Variants in PFKFB3 observed in about 807,000 individuals in gnomAD.
The protein encoded by PFKFB3 is 6-phosphofructo-2-kinase/fructose-2,6-bisphosphatase 3.
PFKFB3 carries 33 observed loss-of-function variants against 68.0 expected under a neutral mutation model. That is an observed-to-expected ratio of 0.49 (90% CI 0.37 to 0.65). The LOEUF is 0.65. PFKFB3 is among the 30% of genes least tolerant of loss of function. The pLI, the probability that PFKFB3 is intolerant of heterozygous loss-of-function variation, is 0.00. For synonymous variants in PFKFB3, 315 were observed against 288.2 expected (o/e 1.09, Z -0.94); for missense variants, 586 against 712.2 (o/e 0.82, Z 2.02).
intron 1 of PFKFB3, among the ~76,000 whole-genome samples, chr10:6,161,481 A>G (rs1841968062): frequency 6.6e-6 from 1 of 152,108 alleles, no homozygotes; most frequent in African/African-American, 2.4e-5. Context: ...TCTTTATAAA[A>G]AATTTAAAAA....
In PFKFB3 at chr10:6,217,159, G is replaced by C; in HGVS notation, c.466G>C (p.Asp156His). 6.2e-7 allele frequency: 1 copy of C among 1,614,160 alleles called. No homozygotes were observed. Among genetic ancestry groups the C allele is most frequent in the Non-Finnish European group, 8.5e-7 (1 of 1,179,996 alleles). Residue 156 changes from aspartate to histidine, a missense_variant, in exon 6 of 15, where the codon GAC (aspartate) becomes CAC (histidine). Physicochemically the swap from Asp to His is moderately conservative, Grantham distance 81. Coordinates refer to ENST00000379775, the MANE Select transcript of PFKFB3 (RefSeq NM_004566.4). ...GGCGTTTTTCATCGAGTCGGTGTGCGACGACCCTACAGTTGTGGCCTCCAA... is the reference window on the plus strand; with the variant it reads ...GGCGTTTTTCATCGAGTCGGTGTGCCACGACCCTACAGTTGTGGCCTCCAA... ...FKAFFIESVC[D>H]DPTVVASNIM...
chr10:6,173,506 AAC>A (rs1842371201), intron 1 of PFKFB3, among the ~76,000 whole-genome samples: 1 of 152,180 alleles, frequency 6.6e-6, no homozygotes, highest in East Asian at 1.9e-4. Context: ...TGTGGCGGGA[AAC>A]ACACACCCCT....
chr10:6,147,130 C>G (rs1841415706), intron 1 of PFKFB3, among the ~76,000 whole-genome samples: 1 of 152,170 alleles, frequency 6.6e-6, no homozygotes, highest in South Asian at 2.1e-4. Flanking sequence ...TGGTGCTGAG[C>G]CGTGGTCTGA....
chr10:6,206,897 G>C (rs1289224140), intron 1 of PFKFB3, among the ~76,000 whole-genome samples: 7 of 135,084 alleles, frequency 5.2e-5, no homozygotes, highest in East Asian at 2.5e-4. Flanking sequence ...CAGGCAGAGG[G>C]GCTCCTCACA....
chr10:6,154,530 G>A lies in PFKFB3; in HGVS notation c.16+9517G>A, dbSNP rs1018897034. Among the ~76,000 whole-genome samples, 3 of 152,282 alleles carry A rather than the reference G, an allele frequency of 2.0e-5. No homozygotes were observed. The highest frequency in any genetic ancestry group is 1.3e-4 in the Admixed American group (2 of 15,302). ...TCCAAAGTGCTGGGATCATAGGCGC[G>A]AGCCACCGCGCCTGGTGGGCTGAAT... On this transcript the variant is annotated intron_variant, in intron 1 of 14. Transcript: ENST00000379789. The surrounding 1 kb of genome is among the most constrained non-coding windows in gnomAD (Gnocchi z 4.6).
intron 1 of PFKFB3, among the ~76,000 whole-genome samples, chr10:6,190,608 C>T (rs1842996374): frequency 6.6e-6 from 1 of 152,116 alleles, no homozygotes; most frequent in Non-Finnish European, 1.5e-5. Context: ...TTGAAACCAA[C>T]CTGGGCAACA....
chr10:6,198,187 A>C (rs982767365), upstream of PFKFB3, among the ~76,000 whole-genome samples: 1 of 151,364 alleles, frequency 6.6e-6, no homozygotes, highest in African/African-American at 2.4e-5. Context: ...CGGAGGTGGC[A>C]GTAAGCCGAG....
In PFKFB3 at chr10:6,197,000, T is replaced by TTATTATTATTA. The variant is rs763926675; in HGVS notation, c.17-16622_17-16621insATTATTATTAT. On this transcript the variant is annotated intron_variant, in intron 1 of 14. Transcript: ENST00000379789. Reference sequence around the variant, plus strand: ...ACTTATTATTATTATTATTATTATTTTTGAGACAGAGTCTTGCTCTGTCCC... The same window carrying TTATTATTATTA: ...ACTTATTATTATTATTATTATTATTTTATTATTATTATTGAGACAGAGTCTTGCTCTGTCCC... 1.3e-4 allele frequency among the ~76,000 whole-genome samples: 20 copies of TTATTATTATTA among 151,482 alleles called. 1 individual carries two copies. The highest frequency in any genetic ancestry group is 4.6e-4 in the African/African-American group (19 of 41,142).
chr10:6,201,539 C>T, upstream of PFKFB3, among the ~76,000 whole-genome samples: 1 of 138,324 alleles, frequency 7.2e-6, no homozygotes, highest in South Asian at 2.3e-4. The surrounding 1 kb of genome is among the most constrained non-coding windows in gnomAD (Gnocchi z 4.1). Context: ...CCTCGGCAGG[C>T]GGCGGGTCGG....
At chr10:6,283,183 G>T in the PFKFB3 span, among the ~76,000 whole-genome samples, 1 of 152,140 alleles carries the variant, frequency 6.6e-6, no homozygotes, top group Non-Finnish European at 1.5e-5. Flanking sequence ...GGCTGGGCTG[G>T]TGTCAAACTC....
the PFKFB3 span, among the ~76,000 whole-genome samples, chr10:6,296,484 A>G: frequency 6.6e-6 from 1 of 152,294 alleles, no homozygotes; most frequent in South Asian, 2.1e-4. Flanking sequence ...GAAGTAATAA[A>G]AGAGTGGCTA....
intron 1 of PFKFB3, among the ~76,000 whole-genome samples, chr10:6,182,063 A>G (rs1237127027): frequency 6.6e-6 from 1 of 152,084 alleles, no homozygotes; most frequent in Non-Finnish European, 1.5e-5. Flanking sequence ...AAAATGGACA[A>G]TTTTATGTAT....
downstream of PFKFB3, among the ~76,000 whole-genome samples, chr10:6,259,403 C>T (rs1846520092): frequency 6.6e-6 from 1 of 151,232 alleles, no homozygotes; most frequent in Non-Finnish European, 1.5e-5. Flanking sequence ...TCTGCTCACC[C>T]ATCCACCCAT....
intron 1 of PFKFB3, among the ~76,000 whole-genome samples, chr10:6,169,444 G>C (rs1282940694): frequency 1.3e-5 from 2 of 152,140 alleles, no homozygotes; most frequent in Admixed American, 6.6e-5. Flanking sequence ...GGAGTTGTCG[G>C]GGTGTGGGTA....
chr10:6,150,125 G>A (rs1214445937), intron 1 of PFKFB3, among the ~76,000 whole-genome samples: 1 of 152,106 alleles, frequency 6.6e-6, no homozygotes, highest in Non-Finnish European at 1.5e-5. Context: ...AGCACCTCTT[G>A]CAGGCATATC....
the PFKFB3 span, among the ~76,000 whole-genome samples, chr10:6,283,709 CCCCCA>C: frequency 6.6e-6 from 1 of 152,134 alleles, no homozygotes; most frequent in Non-Finnish European, 1.5e-5. Context: ...TTGCTGTGGA[CCCCCA>C]GATTGAAGTT....
At chr10:6,272,706 AAAAG>A in the PFKFB3 span, among the ~76,000 whole-genome samples, 41 of 152,206 alleles carry the variant, frequency 2.7e-4, no homozygotes, top group African/African-American at 9.9e-4. Flanking sequence ...AAAAAAAGAA[AAAAG>A]AAATAGGTCG....
intron 14 of PFKFB3, among the ~76,000 whole-genome samples, chr10:6,246,585 G>A (rs1240312809): frequency 3.3e-5 from 5 of 151,884 alleles, no homozygotes; most frequent in East Asian, 3.9e-4. Flanking sequence ...CAGGTGATCC[G>A]CCCGCGTCGG....
At chr10:6,321,246 AC>A in the PFKFB3 span, among the ~76,000 whole-genome samples, 1 of 150,108 alleles carries the variant, frequency 6.7e-6, no homozygotes, top group Non-Finnish European at 1.5e-5. Context: ...GTTTTGCAAA[AC>A]CCCATGCTCC....
Sources: gnomAD v4.1 joint callset for allele counts (sites outside exome capture counted in the v4.1 genomes callset) on GRCh38, gnomAD v4.1.1 for gene constraint, Gnocchi (gnomAD v3.1) non-coding constraint, MANE v1.5 for transcripts, NCBI Gene and HGNC (gene_info 2026-07-23, HGNC 2026-07-21) for gene names.